Variants in ERC1 observed in about 807,000 individuals in gnomAD.
The protein encoded by ERC1 is RAB6 interacting protein 2.
In ERC1, 56 loss-of-function variants were observed where a neutral mutation model predicts 132.0. That is an observed-to-expected ratio of 0.42 (90% CI 0.34 to 0.53). ERC1 has a LOEUF of 0.53. Ranked by LOEUF, ERC1 falls within the 20% of genes least tolerant of loss-of-function variation. The pLI is 0.03. For missense variants in ERC1, 1,202 were observed against 1,349.9 expected, an observed-to-expected ratio of 0.89 and a Z score of 1.72; for synonymous variants, 478 against 476.1, an observed-to-expected ratio of 1.00 and a Z score of -0.05.
chr12:1,222,083 G>A (rs943998864), intron 12 of ERC1, among the ~76,000 whole-genome samples: 1 of 152,072 alleles, frequency 6.6e-6, no homozygotes, highest in Non-Finnish European at 1.5e-5. Flanking sequence ...TTACACAGTG[G>A]CATTTGTGTA....
intron 15 of ERC1, among the ~76,000 whole-genome samples, chr12:1,343,742 GT>G (rs1291630345): frequency 2.0e-5 from 3 of 152,146 alleles, no homozygotes; most frequent in Non-Finnish European, 4.4e-5. Context: ...TATAATGCCA[GT>G]GACTGCAGGA....
chr12:1,391,437 G>A (rs7132825), intron 16 of ERC1: 34,115 of 152,520 alleles, frequency 0.22, 7,221 homozygotes, highest in African/African-American at 0.57. Flanking sequence ...TGAAGGAAGG[G>A]GGGCCTGGTT....
At chr12:1,133,457 C>T (rs2068654993) in intron 7 of ERC1, among the ~76,000 whole-genome samples, 1 of 152,116 alleles carries the variant, frequency 6.6e-6, no homozygotes, top group South Asian at 2.1e-4. Flanking sequence ...GGATTAGTAG[C>T]AACACTGGCT....
intron 8 of ERC1, among the ~76,000 whole-genome samples, chr12:1,172,365 G>A (rs553682180): frequency 2.0e-5 from 3 of 152,138 alleles, no homozygotes; most frequent in African/African-American, 7.2e-5. Flanking sequence ...CTACTCCGGA[G>A]GCTGAGGCTG....
At chr12:1,400,902 T>C (rs2090963980) in intron 16 of ERC1, among the ~76,000 whole-genome samples, 1 of 146,784 alleles carries the variant, frequency 6.8e-6, no homozygotes, top group Non-Finnish European at 1.5e-5. Flanking sequence ...CAATATTGTT[T>C]TGGCTATTTT....
chr12:1,279,736 C>T (rs1170568444), intron 14 of ERC1, among the ~76,000 whole-genome samples: 2 of 151,268 alleles, frequency 1.3e-5, no homozygotes, highest in African/African-American at 2.4e-5. Flanking sequence ...TCGCCCAGGC[C>T]GGACTGCGGA....
At chr12:1,158,394 C>G (rs1336324109) in intron 8 of ERC1, among the ~76,000 whole-genome samples, 1 of 151,678 alleles carries the variant, frequency 6.6e-6, no homozygotes, top group African/African-American at 2.4e-5. Flanking sequence ...CATAACTAGT[C>G]GTTAAAAACA....
chr12:1,373,323 A>C (rs939571733), intron 16 of ERC1, among the ~76,000 whole-genome samples: 3 of 152,244 alleles, frequency 2.0e-5, no homozygotes, highest in African/African-American at 7.2e-5. Flanking sequence ...ACTTATCTTA[A>C]GTAGTTAGGC....
At chr12:1,169,258 G>T (rs77073175) in intron 8 of ERC1, among the ~76,000 whole-genome samples, 1 of 152,160 alleles carries the variant, frequency 6.6e-6, no homozygotes, top group Non-Finnish European at 1.5e-5. Flanking sequence ...TCCCCAGATC[G>T]CTGGAAGTGT....
At chr12:1,470,178 T>C (rs1003356480) in intron 18 of ERC1, among the ~76,000 whole-genome samples, 29 of 149,438 alleles carry the variant, frequency 1.9e-4, no homozygotes, top group African/African-American at 6.9e-4. Flanking sequence ...TTCCAGTTTC[T>C]CCCTGTCACA....
intron 7 of ERC1, among the ~76,000 whole-genome samples, chr12:1,140,546 G>A (rs1949766807): frequency 6.6e-6 from 1 of 152,142 alleles, no homozygotes; most frequent in Admixed American, 6.6e-5. Context: ...TTTCAGATTT[G>A]GGGATGGTCA....
chr12:1,323,927 C>G (rs1008229127), intron 15 of ERC1, among the ~76,000 whole-genome samples: 1 of 152,148 alleles, frequency 6.6e-6, no homozygotes, highest in Non-Finnish European at 1.5e-5. Flanking sequence ...GCTATTTTAC[C>G]TTCTAAGCTG....
At chr12:1,433,653 A>G (rs979885733) in intron 17 of ERC1, among the ~76,000 whole-genome samples, 12 of 152,174 alleles carry the variant, frequency 7.9e-5, no homozygotes, top group African/African-American at 7.2e-5. Context: ...ATGGCATGAG[A>G]TCTTATTGCT....
chr12:1,384,669 C>G (rs2089115413), intron 16 of ERC1, among the ~76,000 whole-genome samples: 2 of 151,998 alleles, frequency 1.3e-5, no homozygotes, highest in South Asian at 4.2e-4. Flanking sequence ...ACCTGAAGTT[C>G]AGTATTTTCC....
At position 1,250,025 on chromosome 12, in the gene ERC1, C is replaced by T. The variant is rs560226583; in HGVS notation, c.2488-13009C>T. Among the ~76,000 whole-genome samples the T allele has an allele frequency of 7.5e-4, 114 of 152,190 alleles. 1 individual carries two copies. Among genetic ancestry groups the T allele is most frequent in the South Asian group, 1.0e-3 (5 of 4,828 alleles). ...TTTCAACGTTTGAATTTTGGGAGCA[C>T]ACAAAATTCAGATTCTGATTCTGAT... On this transcript the variant is annotated intron_variant, in intron 13 of 18. Transcript: ENST00000360905.
intron 8 of ERC1, among the ~76,000 whole-genome samples, chr12:1,150,218 G>A (rs908709006): frequency 1.3e-5 from 2 of 152,164 alleles, no homozygotes; most frequent in Non-Finnish European, 2.9e-5. Context: ...CTTATATGTG[G>A]AAACTATCCA....
At chr12:1,022,153 G>A (rs1966484457) in intron 1 of ERC1, among the ~76,000 whole-genome samples, 1 of 152,146 alleles carries the variant, frequency 6.6e-6, no homozygotes, top group Non-Finnish European at 1.5e-5. Flanking sequence ...CTGGACTCAA[G>A]CAATCCTACT....
intron 1 of ERC1, among the ~76,000 whole-genome samples, chr12:1,009,396 G>T (rs542112229): frequency 1.3e-5 from 2 of 152,040 alleles, no homozygotes; most frequent in African/African-American, 2.4e-5. Context: ...GGATGGTCTT[G>T]ATCTCCTGAC....
chr12:1,365,743 G>A (rs2086604042), intron 15 of ERC1, among the ~76,000 whole-genome samples: 1 of 152,186 alleles, frequency 6.6e-6, no homozygotes, highest in African/African-American at 2.4e-5. Flanking sequence ...TTCAAGTTTA[G>A]GAACCAAGAC....
Sources: gnomAD v4.1 joint callset for allele counts (sites outside exome capture counted in the v4.1 genomes callset) on GRCh38, gnomAD v4.1.1 for gene constraint, MANE v1.5 for transcripts, NCBI Gene and HGNC (gene_info 2026-07-23, HGNC 2026-07-21) for gene names.